HDAC9: variants seen among roughly 807,000 people sequenced by gnomAD.
HDAC9 encodes the protein MEF-2 interacting transcription repressor (MITR) protein.
Under a neutral mutation model 139.4 loss-of-function variants are expected in HDAC9, and 41 were observed. The ratio of observed to expected loss-of-function variants is 0.29; its 90% confidence interval spans 0.23 to 0.38. HDAC9 has a LOEUF of 0.38. Among genes scored for constraint, HDAC9 ranks in the 10% least tolerant of loss-of-function variants. The pLI is 1.00. For missense variants in HDAC9, 1,147 were observed against 1,297.0 expected (o/e 0.88, Z 1.78); for synonymous variants, 517 against 476.2 (o/e 1.09, Z -1.12).
chr7:18,149,444 C>T (rs920852817), intron 1 of HDAC9, among the ~76,000 whole-genome samples: 16 of 149,978 alleles, frequency 1.1e-4, no homozygotes, highest in Non-Finnish European at 2.1e-4. Context: ...TAGCCTTGGC[C>T]TCCTGGGCTT....
intron 12 of HDAC9, among the ~76,000 whole-genome samples, chr7:18,695,065 C>A (rs919118814): frequency 2.6e-5 from 4 of 152,118 alleles, no homozygotes; most frequent in African/African-American, 9.7e-5. Context: ...ACATAAGTGA[C>A]ACTTAACATT....
intron 6 of HDAC9, among the ~76,000 whole-genome samples, 163 bp from the exon 7 acceptor site, chr7:18,629,187 A>G (rs1351701655): frequency 6.6e-6 from 1 of 152,088 alleles, no homozygotes; most frequent in Non-Finnish European, 1.5e-5. Flanking sequence ...TGCCTGTTTC[A>G]TTAATGTAGA....
chr7:18,422,252 C>T (rs900875816), intron 1 of HDAC9, among the ~76,000 whole-genome samples: 5 of 152,030 alleles, frequency 3.3e-5, no homozygotes, highest in Admixed American at 6.6e-5. Flanking sequence ...CCTCAGTTTC[C>T]CCTTATTTTG....
At chr7:18,983,392 A>G (rs1238028072) in intron 25 of HDAC9, among the ~76,000 whole-genome samples, 4 of 152,186 alleles carry the variant, frequency 2.6e-5, no homozygotes, top group African/African-American at 9.6e-5. Flanking sequence ...ACTATTGTGA[A>G]TGAATGCTGC....
intron 2 of HDAC9, among the ~76,000 whole-genome samples, chr7:18,182,194 G>A (rs1379487993): frequency 6.6e-6 from 1 of 152,070 alleles, no homozygotes; most frequent in Admixed American, 6.5e-5. Context: ...TTTAAATCTG[G>A]TCCTCTAGGT....
rs1051102367 is a variant in HDAC9 at position 18,996,134 on chromosome 7, A to T, written c.*72A>T. ...TATCCCCCCACCCCAGTACCCTCAG[A>T]CATGTCTTGTCTGCTGCCTGGGTGG... On this transcript the variant is annotated 3_prime_UTR_variant, in exon 26 of 26. Coordinates refer to ENST00000686413, the MANE Select transcript of HDAC9 (RefSeq NM_178425.4). 1.4e-5 allele frequency: 16 copies of T among 1,170,744 alleles called. No individual in the cohort carries two copies. In the African/African-American group the frequency reaches 2.3e-4, roughly 17 times the overall value. 72.5% of individuals were successfully genotyped at this position (1,170,744 alleles called of 1,614,324 possible). A position where few individuals can be genotyped will look rare whatever the true frequency, so the allele number is the denominator to read the frequency against.
At chr7:18,455,458 G>A (rs1485174265) in intron 1 of HDAC9, among the ~76,000 whole-genome samples, 1 of 152,136 alleles carries the variant, frequency 6.6e-6, no homozygotes, top group Admixed American at 6.6e-5. Context: ...AATGGAAAAA[G>A]AATTTTGTTA....
chr7:18,571,008 C>G (rs751040839), intron 2 of HDAC9, among the ~76,000 whole-genome samples: 3 of 152,218 alleles, frequency 2.0e-5, no homozygotes, highest in Non-Finnish European at 4.4e-5. Flanking sequence ...TATTTTAAAA[C>G]TCACATATCC....
At chr7:18,898,880 T>C (rs1287394780) in intron 22 of HDAC9, among the ~76,000 whole-genome samples, 1 of 151,656 alleles carries the variant, frequency 6.6e-6, no homozygotes. Context: ...TTTAAATCAC[T>C]TACACAATAT....
At chr7:18,525,948 C>T (rs1031060175) in intron 2 of HDAC9, among the ~76,000 whole-genome samples, 5 of 152,334 alleles carry the variant, frequency 3.3e-5, no homozygotes, top group Middle Eastern at 3.4e-3. Context: ...TCCACATTCT[C>T]TCACCACCAA....
At chr7:18,665,141 A>C (rs1794473597) in intron 11 of HDAC9, among the ~76,000 whole-genome samples, 1 of 152,132 alleles carries the variant, frequency 6.6e-6, no homozygotes, top group Non-Finnish European at 1.5e-5. Flanking sequence ...TGTGAGTGGG[A>C]GGTAAGCATG....
intron 2 of HDAC9, among the ~76,000 whole-genome samples, chr7:18,178,627 T>C (rs1452658486): frequency 6.6e-6 from 1 of 152,200 alleles, no homozygotes; most frequent in African/African-American, 2.4e-5. Context: ...CAAATATGTA[T>C]TGTGGTTAAG....
intron 21 of HDAC9, among the ~76,000 whole-genome samples, chr7:18,863,519 C>A (rs1339423758): frequency 6.6e-6 from 1 of 152,176 alleles, no homozygotes; most frequent in African/African-American, 2.4e-5. Flanking sequence ...AATTCTTCGT[C>A]TTCTAATGTG....
intron 2 of HDAC9, among the ~76,000 whole-genome samples, chr7:18,217,258 A>G (rs1792383515): frequency 6.6e-6 from 1 of 151,956 alleles, no homozygotes. Flanking sequence ...TGTGTTTTTC[A>G]TCCCCCTTTT....
intron 22 of HDAC9, chr7:18,892,085 A>C (rs987830566): frequency 6.6e-6 from 1 of 152,168 alleles, no homozygotes; most frequent in Non-Finnish European, 1.5e-5. Flanking sequence ...AAAAAGAATG[A>C]GGGGAAATAG....
At chr7:18,583,750 A>C (rs1828556503) in intron 2 of HDAC9, among the ~76,000 whole-genome samples, 2 of 152,284 alleles carry the variant, frequency 1.3e-5, no homozygotes, top group East Asian at 3.9e-4. Context: ...TGAGCCCTCC[A>C]GCAGCCTAAA....
At chr7:18,594,294 TAAATAA>T (rs1199661542) in intron 6 of HDAC9, among the ~76,000 whole-genome samples, 4 of 152,090 alleles carry the variant, frequency 2.6e-5, no homozygotes, top group Non-Finnish European at 5.9e-5. Context: ...TTACTAGGAA[TAAATAA>T]AAATAAAAAT....
intron 1 of HDAC9, among the ~76,000 whole-genome samples, chr7:18,345,330 G>A (rs967771665): frequency 1.3e-5 from 2 of 151,854 alleles, no homozygotes; most frequent in Admixed American, 6.6e-5. Context: ...TTGCTTTCAG[G>A]AATTTCTCCC....
chr7:18,585,779 T>G (rs1178153518), intron 3 of HDAC9, among the ~76,000 whole-genome samples: 1 of 152,126 alleles, frequency 6.6e-6, no homozygotes, highest in East Asian at 1.9e-4. Context: ...CCTATCCTAA[T>G]TTTAGATTCT....
Sources: gnomAD v4.1 joint callset for allele counts (sites outside exome capture counted in the v4.1 genomes callset) on GRCh38, gnomAD v4.1.1 for gene constraint, MANE v1.5 for transcripts, NCBI Gene and HGNC (gene_info 2026-07-23, HGNC 2026-07-21) for gene names.